Variants in GADL1 observed in about 807,000 individuals in gnomAD.
GADL1 encodes the protein acidic amino acid decarboxylase GADL1.
GADL1 carries 71 observed loss-of-function variants against 69.5 expected under a neutral mutation model. The observed-to-expected ratio is 1.02, with a 90% CI of 0.84 to 1.25. GADL1 has a LOEUF of 1.25. Ranked by LOEUF, GADL1 falls within the 50% of genes most tolerant of loss-of-function variation. GADL1 has a pLI of 0.00. For synonymous variants in GADL1, 254 were observed against 214.4 expected, an observed-to-expected ratio of 1.18 and a Z score of -1.62; for missense variants, 737 against 631.8, an observed-to-expected ratio of 1.17 and a Z score of -1.79.
At chr3:30,814,069 TTAAC>T (rs1252504382) in intron 11 of GADL1, among the ~76,000 whole-genome samples, 1 of 151,976 alleles carries the variant, frequency 6.6e-6, no homozygotes, top group African/African-American at 2.4e-5. Flanking sequence ...TACTACTTGA[TTAAC>T]AATGCACTGC....
At chr3:30,825,327 A>G (rs775739783) in intron 11 of GADL1, among the ~76,000 whole-genome samples, 23 of 152,108 alleles carry the variant, frequency 1.5e-4, no homozygotes, top group Middle Eastern at 3.4e-3. Context: ...TAGGGTTTAA[A>G]TACAATTACT....
At chr3:30,751,892 C>A (rs891326307) in intron 14 of GADL1, among the ~76,000 whole-genome samples, 1 of 152,152 alleles carries the variant, frequency 6.6e-6, no homozygotes, top group African/African-American at 2.4e-5. Flanking sequence ...CTTTTCATCC[C>A]CAACCAATCT....
intron 8 of GADL1, among the ~76,000 whole-genome samples, chr3:30,842,917 A>G (rs1267849479): frequency 2.0e-5 from 3 of 151,818 alleles, no homozygotes; most frequent in Non-Finnish European, 4.4e-5. Context: ...CAAGCCAAAT[A>G]TTGTGATCTA....
At chr3:30,741,645 T>C (rs1204249832) in intron 14 of GADL1, among the ~76,000 whole-genome samples, 5 of 152,312 alleles carry the variant, frequency 3.3e-5, no homozygotes, top group Admixed American at 1.3e-4. Flanking sequence ...TTTGATGAGT[T>C]TAAAAAATCA....
At chr3:30,788,919 C>T (rs1473384393) in intron 12 of GADL1, among the ~76,000 whole-genome samples, 2 of 152,168 alleles carry the variant, frequency 1.3e-5, no homozygotes, top group Non-Finnish European at 2.9e-5. Flanking sequence ...TTCACCACAT[C>T]TTCAGTGACT....
At chr3:30,876,946 C>G (rs9809654) in intron 1 of GADL1, among the ~76,000 whole-genome samples, 33,908 of 151,778 alleles carry the variant, frequency 0.22, 4,521 homozygotes, top group East Asian at 0.46. Context: ...ACCTTACAAA[C>G]TAACTAACCA....
intron 1 of GADL1, among the ~76,000 whole-genome samples, chr3:30,884,393 G>T (rs995057975): frequency 5.9e-5 from 9 of 151,992 alleles, no homozygotes; most frequent in Admixed American, 1.3e-4. Flanking sequence ...TGCAGCACCT[G>T]TCGAAGGGAC....
chr3:30,770,438 T>C (rs1696391122), intron 14 of GADL1, among the ~76,000 whole-genome samples: 1 of 152,190 alleles, frequency 6.6e-6, no homozygotes, highest in Non-Finnish European at 1.5e-5. Flanking sequence ...CCAGTGGCAC[T>C]CCGTACAGAG....
intron 12 of GADL1, among the ~76,000 whole-genome samples, chr3:30,795,172 C>T (rs1033769712): frequency 2.0e-5 from 3 of 152,140 alleles, no homozygotes; most frequent in African/African-American, 7.2e-5. Flanking sequence ...CAGGTGGAGC[C>T]TTCCAACCAT....
At chr3:30,737,385 T>C (rs1695554785) in intron 14 of GADL1, among the ~76,000 whole-genome samples, 1 of 152,172 alleles carries the variant, frequency 6.6e-6, no homozygotes, top group Non-Finnish European at 1.5e-5. Flanking sequence ...TTCAAAGAAG[T>C]TGTTAGCCAA....
intron 11 of GADL1, among the ~76,000 whole-genome samples, chr3:30,830,081 G>A (rs1697762358): frequency 6.6e-6 from 1 of 151,760 alleles, no homozygotes; most frequent in South Asian, 2.1e-4. Flanking sequence ...TCCAAAATAT[G>A]GCACCTTGGA....
At chr3:30,777,372 C>T (rs1696561785) in intron 14 of GADL1, among the ~76,000 whole-genome samples, 1 of 152,144 alleles carries the variant, frequency 6.6e-6, no homozygotes, top group South Asian at 2.1e-4. Flanking sequence ...AGGGAATTGC[C>T]TGATTTTAAT....
intron 13 of GADL1, 25 bp downstream of exon 13, chr3:30,786,330 C>T (rs765961835): frequency 2.0e-6 from 3 of 1,482,570 alleles, no homozygotes; most frequent in Non-Finnish European, 1.9e-6. Flanking sequence ...GACAAAATCA[C>T]AAGCACAATT....
At chr3:30,779,479 C>G (rs954599106) in intron 13 of GADL1, among the ~76,000 whole-genome samples, 2 of 152,180 alleles carry the variant, frequency 1.3e-5, no homozygotes, top group African/African-American at 4.8e-5. Context: ...CACTGTAATT[C>G]AACTCAATTT....
chr3:30,832,060 T>G (rs1697801104), intron 11 of GADL1, among the ~76,000 whole-genome samples: 1 of 151,916 alleles, frequency 6.6e-6, no homozygotes, highest in Admixed American at 6.6e-5. Context: ...TGGAATGAAT[T>G]AATGATATGG....
At chr3:30,785,462 A>C (rs1575204302) in intron 13 of GADL1, among the ~76,000 whole-genome samples, 1 of 149,692 alleles carries the variant, frequency 6.7e-6, no homozygotes, top group Non-Finnish European at 1.5e-5. Context: ...GCTCACCGCA[A>C]CCACCGCCTC....
chr3:30,783,455 G>A (rs1345130351), intron 13 of GADL1, among the ~76,000 whole-genome samples: 6 of 152,020 alleles, frequency 3.9e-5, no homozygotes, highest in African/African-American at 4.8e-5. Context: ...CAAGTACTGG[G>A]TATTGTCTTG....
intron 4 of GADL1, among the ~76,000 whole-genome samples, chr3:30,852,253 GC>G: frequency 6.6e-6 from 1 of 152,248 alleles, no homozygotes; most frequent in Non-Finnish European, 1.5e-5. Flanking sequence ...AGTGGCTCAT[GC>G]CTGTAATCTC....
At chr3:30,755,133 C>CTG (rs58930903) in intron 14 of GADL1, among the ~76,000 whole-genome samples, 14,346 of 152,102 alleles carry the variant, frequency 0.094, 1,863 homozygotes, top group African/African-American at 0.3. Flanking sequence ...ACTTGGGACT[C>CTG]TATAGTGAAT....
Sources: allele counts gnomAD v4.1 joint callset (sites outside exome capture counted in the v4.1 genomes callset), GRCh38; gene constraint gnomAD v4.1.1; transcripts MANE v1.5; gene names NCBI Gene and HGNC (gene_info 2026-07-23, HGNC 2026-07-21).